Variants in SHISA9 observed in about 807,000 individuals in gnomAD.
SHISA9 encodes shisa family member 9.
In SHISA9, 13 loss-of-function variants were observed where a neutral mutation model predicts 38.0. That is an observed-to-expected ratio of 0.34 (90% CI 0.22 to 0.54). The LOEUF (loss-of-function observed/expected upper bound fraction) is 0.54. SHISA9 is among the 20% of genes least tolerant of loss of function. SHISA9 has a pLI of 0.91. For synonymous variants in SHISA9, 275 were observed against 242.0 expected (o/e 1.14, Z -1.27); for missense variants, 538 against 575.8 (o/e 0.93, Z 0.67).
At chr16:13,303,911 T>G in the SHISA9 span, among the ~76,000 whole-genome samples, 1 of 152,170 alleles carries the variant, frequency 6.6e-6, no homozygotes, top group Non-Finnish European at 1.5e-5. Context: ...ACTTAATCTT[T>G]TCACAGACCA....
chr16:13,207,709 G>A (rs1261946713), intron 3 of SHISA9, among the ~76,000 whole-genome samples: 1 of 152,132 alleles, frequency 6.6e-6, no homozygotes, highest in Non-Finnish European at 1.5e-5. Context: ...TGACTCAATG[G>A]GTTAGCCAGG....
At chr16:13,274,902 A>G in the SHISA9 span, among the ~76,000 whole-genome samples, 1 of 152,190 alleles carries the variant, frequency 6.6e-6, no homozygotes, top group Admixed American at 6.5e-5. Flanking sequence ...TCAAGCACAA[A>G]TTCCCAAGAT....
At chr16:13,342,957 C>T in the SHISA9 span, among the ~76,000 whole-genome samples, 2 of 152,176 alleles carry the variant, frequency 1.3e-5, no homozygotes, top group Admixed American at 6.5e-5. Context: ...TGCTTTTCTG[C>T]TCTCAAAGAT....
At position 13,090,976 on chromosome 16, in the gene SHISA9, C is replaced by T. The variant is rs150190813; in HGVS notation, c.692-112418C>T. Among the ~76,000 whole-genome samples, 945 of 152,172 alleles carry T rather than the reference C, an allele frequency of 6.2e-3. 10 individuals are homozygous for T. Among genetic ancestry groups the T allele is most frequent in the African/African-American group, 0.022 (894 of 41,528 alleles). On this transcript the variant is annotated intron_variant, in intron 2 of 4. Transcript: ENST00000558583. ...GTTTATTTAGTGCTTCCTTCAAAAC[C>T]CTTGTAAGGCAGGCCTGGTGGTGAC...
At chr16:13,524,600 C>G in the SHISA9 span, among the ~76,000 whole-genome samples, 1 of 152,136 alleles carries the variant, frequency 6.6e-6, no homozygotes, top group Non-Finnish European at 1.5e-5. Flanking sequence ...GCTTTGTCAC[C>G]CAGACTGGAG....
chr16:13,187,328 C>CTTTTTTTTTTTT (rs372286181), intron 2 of SHISA9, among the ~76,000 whole-genome samples: 6 of 90,678 alleles, frequency 6.6e-5, no homozygotes, highest in Non-Finnish European at 1.1e-4. Context: ...CTTTTCTTTT[C>CTTTTTTTTTTTT]TTTTTTTTTT....
At chr16:12,930,359 T>C (rs1017804571) in intron 2 of SHISA9, among the ~76,000 whole-genome samples, 1 of 152,236 alleles carries the variant, frequency 6.6e-6, no homozygotes, top group African/African-American at 2.4e-5. Context: ...AATGCCAAGT[T>C]GAGTATCAAG....
chr16:13,103,155 C>A (rs761566787), intron 2 of SHISA9, among the ~76,000 whole-genome samples: 21 of 152,136 alleles, frequency 1.4e-4, no homozygotes, highest in Non-Finnish European at 2.6e-4. Flanking sequence ...TTGTCAGTAG[C>A]AGAGCTGGGA....
intron 2 of SHISA9, among the ~76,000 whole-genome samples, chr16:13,044,455 A>C (rs2073165267): frequency 6.6e-6 from 1 of 152,192 alleles, no homozygotes; most frequent in Admixed American, 6.6e-5. Context: ...TGTTTTATTG[A>C]GTGCCTAATA....
intron 2 of SHISA9, among the ~76,000 whole-genome samples, chr16:13,081,846 C>T (rs538034144): frequency 7.2e-5 from 10 of 139,416 alleles, no homozygotes; most frequent in Non-Finnish European, 1.1e-4. Flanking sequence ...AGCGAGACTC[C>T]ATCTCAAAAA....
At chr16:13,008,063 A>G (rs2072620949) in intron 2 of SHISA9, among the ~76,000 whole-genome samples, 1 of 152,182 alleles carries the variant, frequency 6.6e-6, no homozygotes, top group South Asian at 2.1e-4. Context: ...TGTTTGGGAT[A>G]TGAATGGGGA....
intron 2 of SHISA9, among the ~76,000 whole-genome samples, chr16:13,176,245 G>A (rs1468695965): frequency 1.3e-5 from 2 of 151,978 alleles, no homozygotes; most frequent in Admixed American, 1.3e-4. Flanking sequence ...CATATTTTGG[G>A]GGGTCTAGGT....
In SHISA9 at chr16:12,966,596, C is replaced by T. The variant is rs75522620; in HGVS notation, c.691+49781C>T. 1.0e-2 allele frequency among the ~76,000 whole-genome samples: 1,519 copies of T among 152,234 alleles called. 6 individuals are homozygous for T. Among genetic ancestry groups the T allele is most frequent in the East Asian group, 0.028 (146 of 5,158 alleles). The stretch of plus-strand genomic sequence containing the variant: ...ATAACAATTCCACAAGGAAGGCATT[C>T]GTTATCCCCACTTGCAGATTAGGAA... On this transcript the variant is annotated intron_variant, in intron 2 of 4. Transcript: ENST00000558583.
the SHISA9 span, among the ~76,000 whole-genome samples, chr16:13,252,294 G>T: frequency 2.0e-5 from 3 of 152,182 alleles, no homozygotes; most frequent in South Asian, 6.2e-4. Flanking sequence ...GGACAATGTC[G>T]TATCCCTCCT....
intron 2 of SHISA9, among the ~76,000 whole-genome samples, chr16:13,071,507 T>A (rs2073513814): frequency 1.3e-5 from 2 of 151,074 alleles, no homozygotes; most frequent in African/African-American, 4.8e-5. Flanking sequence ...ACCCTGGCCT[T>A]TCCATTCCAT....
chr16:13,481,342 T>C, the SHISA9 span, among the ~76,000 whole-genome samples: 1 of 152,236 alleles, frequency 6.6e-6, no homozygotes, highest in African/African-American at 2.4e-5. Flanking sequence ...TTCTAGCTAT[T>C]TGGAAAAAGT....
the SHISA9 span, among the ~76,000 whole-genome samples, chr16:13,305,664 G>A: frequency 4.6e-5 from 7 of 152,148 alleles, no homozygotes; most frequent in African/African-American, 1.7e-4. Context: ...ACCTGGAAGT[G>A]GATTGTCCTC....
At chr16:13,005,008 A>G (rs992428407) in intron 2 of SHISA9, among the ~76,000 whole-genome samples, 21 of 140,322 alleles carry the variant, frequency 1.5e-4, no homozygotes, top group Admixed American at 2.2e-4. Context: ...GCTGCAATCC[A>G]TAGAACCTGG....
At chr16:13,140,815 A>G (rs1364396849) in intron 2 of SHISA9, among the ~76,000 whole-genome samples, 1 of 152,200 alleles carries the variant, frequency 6.6e-6, no homozygotes, top group African/African-American at 2.4e-5. Flanking sequence ...TGAATGAAAC[A>G]CCCAATAACT....
Sources: gnomAD v4.1 joint callset for allele counts (sites outside exome capture counted in the v4.1 genomes callset) on GRCh38, gnomAD v4.1.1 for gene constraint, MANE v1.5 for transcripts, NCBI Gene and HGNC (gene_info 2026-07-23, HGNC 2026-07-21) for gene names.